SHISA6: variants seen among roughly 807,000 people sequenced by gnomAD.
SHISA6 encodes protein shisa-6.
Under a neutral mutation model 47.9 loss-of-function variants are expected in SHISA6, and 22 were observed. The observed-to-expected ratio is 0.46, with a 90% CI of 0.33 to 0.66. The LOEUF (loss-of-function observed/expected upper bound fraction) is 0.66. Among genes scored for constraint, SHISA6 ranks in the 30% least tolerant of loss-of-function variants. The pLI is 0.02. For synonymous variants in SHISA6, 388 were observed against 337.8 expected (o/e 1.15, Z -1.63); for missense variants, 680 against 764.6 (o/e 0.89, Z 1.30).
rs1459209578 is a variant in SHISA6, at chr17:11,351,103, G to A, written c.800-28311G>A. ...GGGAGTTGAACAATGAGAATGCATGGACACAGGGAGGGGAACATCACACAC... is the reference window on the plus strand; with the variant it reads ...GGGAGTTGAACAATGAGAATGCATGAACACAGGGAGGGGAACATCACACAC... On this transcript the variant is annotated intron_variant, in intron 2 of 5. Coordinates refer to ENST00000441885, the MANE Select transcript of SHISA6 (RefSeq NM_207386.4). 2.0e-5 allele frequency among the ~76,000 whole-genome samples: 3 copies of A among 152,010 alleles called. No homozygotes were observed. In the East Asian group the frequency reaches 5.8e-4, roughly 29 times the overall value.
Position 11,502,176 on chromosome 17 carries a change from G to A in SHISA6, c.896-49720G>A, listed in dbSNP as rs371719686. Among the ~76,000 whole-genome samples the A allele has an allele frequency of 2.0e-3, 300 of 151,904 alleles. 2 individuals carry two copies. The East Asian group carries it at 0.052, about 26-fold the overall frequency. On this transcript the variant is annotated intron_variant, in intron 3 of 5. Coordinates refer to ENST00000441885, the MANE Select transcript of SHISA6 (RefSeq NM_207386.4). ...TGTAATCCCAGCACTTTGGGAGGCC[G>A]AGGCGGGCGGATCACGAGGTCAGGA...
intron 3 of SHISA6, among the ~76,000 whole-genome samples, chr17:11,408,480 C>T (rs1914025153): frequency 6.6e-6 from 1 of 152,168 alleles, no homozygotes; most frequent in Non-Finnish European, 1.5e-5. Context: ...AGAATTAAGA[C>T]ATTTAATCAA....
intron 4 of SHISA6, among the ~76,000 whole-genome samples, chr17:11,555,325 CA>C (rs111405118): frequency 0.017 from 2,562 of 152,102 alleles, 76 homozygotes; most frequent in African/African-American, 0.056. Context: ...TCCTCCAACT[CA>C]AGATTTTTCT....
At chr17:11,456,566 C>T (rs1440160897) in intron 3 of SHISA6, among the ~76,000 whole-genome samples, 1 of 152,196 alleles carries the variant, frequency 6.6e-6, no homozygotes, top group African/African-American at 2.4e-5. Context: ...TTGGTTTTCA[C>T]ACATTTTGTT....
At chr17:11,356,990 G>A (rs1597473789) in intron 2 of SHISA6, among the ~76,000 whole-genome samples, 2 of 151,898 alleles carry the variant, frequency 1.3e-5, no homozygotes, top group South Asian at 2.1e-4. Context: ...GGCCAACATC[G>A]TGAAATCCTG....
At chr17:11,372,507 A>G (rs1215278746) in intron 2 of SHISA6, among the ~76,000 whole-genome samples, 2 of 152,036 alleles carry the variant, frequency 1.3e-5, no homozygotes, top group Non-Finnish European at 2.9e-5. Context: ...TTAAATATCC[A>G]TTAGCCTTTT....
intron 2 of SHISA6, among the ~76,000 whole-genome samples, chr17:11,333,060 A>G (rs752184682): frequency 1.3e-5 from 2 of 152,166 alleles, no homozygotes; most frequent in Non-Finnish European, 2.9e-5. Flanking sequence ...TGCATGCCAC[A>G]TCTTTATCAC....
chr17:11,318,256 T>C (rs1343780114), intron 2 of SHISA6, among the ~76,000 whole-genome samples: 2 of 152,214 alleles, frequency 1.3e-5, no homozygotes, highest in African/African-American at 4.8e-5. Flanking sequence ...CTGAGAAGTA[T>C]AATACTAATC....
At chr17:11,427,386 G>A (rs1051715136) in intron 3 of SHISA6, among the ~76,000 whole-genome samples, 4 of 152,088 alleles carry the variant, frequency 2.6e-5, no homozygotes, top group African/African-American at 9.7e-5. Flanking sequence ...GCCCATCTTG[G>A]CCTCCCAAAG....
intron 3 of SHISA6, among the ~76,000 whole-genome samples, chr17:11,484,060 CA>C (rs1274594644): frequency 1.3e-5 from 2 of 152,038 alleles, no homozygotes; most frequent in Non-Finnish European, 2.9e-5. Flanking sequence ...AACATATTTA[CA>C]AAAATTAACC....
At chr17:11,381,165 G>A (rs747279495) in intron 3 of SHISA6, among the ~76,000 whole-genome samples, 5 of 152,032 alleles carry the variant, frequency 3.3e-5, no homozygotes, top group East Asian at 1.9e-4. Context: ...AACAGAACAC[G>A]GCAACTGTTA....
In SHISA6 at chr17:11,561,763, A is replaced by G. The variant is rs909922210; in HGVS notation, c.*3459A>G. ...CTAATTTCTTTTCCCTGGTCTTGCT[A>G]TAATCTCCAGCTCTAAAAATCAGAG... is the stretch of plus-strand genomic sequence containing the variant. On this transcript the variant is annotated 3_prime_UTR_variant, in exon 6 of 6. Coordinates refer to ENST00000441885, the MANE Select transcript of SHISA6 (RefSeq NM_207386.4). 6.6e-6 allele frequency: 1 copy of G among 152,074 alleles called. No individual in the cohort carries two copies. 9.4% of individuals were successfully genotyped at this position (152,074 alleles called of 1,614,324 possible). A position where few individuals can be genotyped will look rare whatever the true frequency, so the allele number is the denominator to read the frequency against.
intron 2 of SHISA6, among the ~76,000 whole-genome samples, chr17:11,293,713 G>C (rs1909633612): frequency 6.6e-6 from 1 of 152,088 alleles, no homozygotes; most frequent in African/African-American, 2.4e-5. Context: ...TGCTGCATCT[G>C]GCCTCAGCGA....
chr17:11,425,152 A>G (rs1337493072), intron 3 of SHISA6, among the ~76,000 whole-genome samples: 1 of 152,202 alleles, frequency 6.6e-6, no homozygotes, highest in East Asian at 1.9e-4. Flanking sequence ...AAATATATCT[A>G]CATCAAATAG....
At position 11,263,531 on chromosome 17, in the gene SHISA6, GT is replaced by G; in HGVS notation, c.799+6del. On this transcript the variant is annotated splice_donor_region_variant and intron_variant, in intron 2 of 5. Coordinates refer to ENST00000441885, the MANE Select transcript of SHISA6 (RefSeq NM_207386.4). Reference sequence around the variant, plus strand: ...GTACGGCCAAGCAGACTCCAGGTAAGTAACAGCTGGGCACCTTGATTCTTTG... The same window carrying G: ...GTACGGCCAAGCAGACTCCAGGTAAGAACAGCTGGGCACCTTGATTCTTTG... 6.4e-7 allele frequency: 1 copy of G among 1,551,650 alleles called. No individual in the cohort carries two copies. Among genetic ancestry groups the G allele is most frequent in the South Asian group, 1.2e-5 (1 of 84,054 alleles).
chr17:11,265,618 G>A (rs1908398776), intron 2 of SHISA6, among the ~76,000 whole-genome samples: 1 of 152,134 alleles, frequency 6.6e-6, no homozygotes, highest in African/African-American at 2.4e-5. Flanking sequence ...TTTTTCCAAG[G>A]ATTCATCCTT....
At chr17:11,546,620 A>G (rs756573419) in intron 3 of SHISA6, among the ~76,000 whole-genome samples, 7 of 152,234 alleles carry the variant, frequency 4.6e-5, no homozygotes, top group Non-Finnish European at 1.0e-4. Flanking sequence ...AAAAGAAGGC[A>G]TTAAATAGGA....
intron 3 of SHISA6, among the ~76,000 whole-genome samples, chr17:11,387,734 A>G (rs924342008): frequency 2.6e-5 from 4 of 152,202 alleles, no homozygotes; most frequent in Non-Finnish European, 5.9e-5. Context: ...ACTAACCATT[A>G]ACGTGGGAGG....
chr17:11,555,141 A>G (rs920112620), intron 4 of SHISA6, among the ~76,000 whole-genome samples: 7 of 152,138 alleles, frequency 4.6e-5, no homozygotes, highest in East Asian at 1.9e-4. Context: ...TTAGAGTAAG[A>G]TAAAATAGCT....
Sources: gnomAD v4.1 joint callset for allele counts (sites outside exome capture counted in the v4.1 genomes callset) on GRCh38, gnomAD v4.1.1 for gene constraint, MANE v1.5 for transcripts, NCBI Gene and HGNC (gene_info 2026-07-23, HGNC 2026-07-21) for gene names.